PPP6R2: variants seen among roughly 807,000 people sequenced by gnomAD.
PPP6R2 encodes protein phosphatase 6 regulatory subunit 2, also known as serine/threonine-protein phosphatase 6 regulatory subunit 2.
PPP6R2 carries 62 observed loss-of-function variants against 100.2 expected under a neutral mutation model. The ratio of observed to expected loss-of-function variants is 0.62; its 90% CI spans 0.50 to 0.76. The LOEUF (loss-of-function observed/expected upper bound fraction) is 0.76, where lower values mean the gene tolerates loss of function less well. PPP6R2 is among the 30% of genes least tolerant of loss of function. The pLI, the probability that PPP6R2 is intolerant of heterozygous loss-of-function variation, is 0.00. For synonymous variants in PPP6R2, 525 were observed against 514.7 expected (o/e 1.02, Z -0.27); for missense variants, 1,142 against 1,276.3 (o/e 0.89, Z 1.60).
At chr22:50,331,254 G>C in the PPP6R2 span, among the ~76,000 whole-genome samples, 4 of 152,164 alleles carry the variant, frequency 2.6e-5, no homozygotes, top group East Asian at 7.7e-4. Context: ...TATGACTCAT[G>C]CTGCTGTGAC....
At chr22:50,437,431 A>G in intron 15 of PPP6R2, 75 bp from the exon 16 acceptor site, 4 of 1,059,430 alleles carry the variant, frequency 3.8e-6, no homozygotes, top group Non-Finnish European at 5.7e-6. Context: ...GTGGTTCCCA[A>G]AGAGCAGCCT....
chr22:50,380,510 G>A (rs1027448357), intron 2 of PPP6R2, among the ~76,000 whole-genome samples: 7 of 151,112 alleles, frequency 4.6e-5, no homozygotes, highest in Non-Finnish European at 1.0e-4. Context: ...ACAGGTGCCC[G>A]CCACCACACG....
At chr22:50,443,635 GT>G in intron 22 of PPP6R2, 1 of 599,566 alleles carries the variant, frequency 1.7e-6, no homozygotes, top group Non-Finnish European at 2.9e-6. Context: ...CCTGGAGGAG[GT>G]TTGAGGTCAT....
At position 50,438,736 on chromosome 22, in the gene PPP6R2, C is replaced by T. The variant is rs373612959; in HGVS notation, c.2102C>T (p.Ala701Val). 6.2e-6 allele frequency: 10 copies of T among 1,605,830 alleles called. No individual in the cohort carries two copies. The highest frequency in any genetic ancestry group is 1.7e-5 in the Admixed American group (1 of 58,570). The change falls in exon 19 of 24, where the codon GCG (alanine) becomes GTG (valine). Residue 701 changes from alanine (A) to valine (V), a missense_variant. Coordinates refer to ENST00000612753, the MANE Select transcript of PPP6R2 (RefSeq NM_001242898.2). ...GAPPAPGKKE[A>V]PPVEGDSEGA... ...CCACCGGCCCCCGGGAAGAAGGAAG[C>T]GCCCCCTGTGGAGGGTGACTCAGAA...
chr22:50,364,380 C>G lies in PPP6R2; in HGVS notation c.-147-7640C>G, dbSNP rs376613384. Among the ~76,000 whole-genome samples, 92 of 152,286 alleles carry G rather than the reference C, an allele frequency of 6.0e-4. 1 individual carries two copies. Among genetic ancestry groups the G allele is most frequent in the African/African-American group, 2.2e-3 (90 of 41,548 alleles). ...ACGGATACTGCAAGTTAGTGATTGT[C>G]TCTCAAGAAGGGGATTGCTTGAGTT... is the stretch of plus-strand genomic sequence containing the variant. On this transcript the variant is annotated intron_variant, in intron 1 of 23. Coordinates refer to ENST00000612753, the MANE Select transcript of PPP6R2 (RefSeq NM_001242898.2).
intron 7 of PPP6R2, 70 bp from the exon 8 acceptor site, chr22:50,419,279 A>G (rs1382783250): frequency 6.5e-6 from 9 of 1,381,750 alleles, no homozygotes; most frequent in Non-Finnish European, 7.1e-6. Context: ...ACGGGGAGGA[A>G]GGAGCATCCT....
Position 50,435,096 on chromosome 22 carries a change from C to G in PPP6R2, c.1516+15C>G, listed in dbSNP as rs1228006374. Reference sequence around the variant, plus strand: ...GGTCATCCGAGGTGAGCCCCCAACCCGGTCATCCTTCTGCTGGTCGCGGGC... The same window carrying G: ...GGTCATCCGAGGTGAGCCCCCAACCGGGTCATCCTTCTGCTGGTCGCGGGC... On this transcript the variant is annotated intron_variant, in intron 13 of 23. Transcript: ENST00000612753. 1.3e-6 allele frequency: 2 copies of G among 1,515,192 alleles called. No homozygotes were observed. Among genetic ancestry groups the G allele is most frequent in the Non-Finnish European group, 8.8e-7 (1 of 1,129,956 alleles). The allele number at this position is 1,515,192 out of a possible 1,614,324, so 93.9% of individuals were successfully genotyped here.
intron 12 of PPP6R2, among the ~76,000 whole-genome samples, chr22:50,433,477 G>A (rs1172215595): frequency 1.2e-5 from 1 of 83,652 alleles, no homozygotes; most frequent in Non-Finnish European, 2.4e-5. Flanking sequence ...AGGAGGGCTG[G>A]GGGTGCGGAC....
chr22:50,388,932 GATTCTA>G (rs1231470557), intron 2 of PPP6R2: 1 of 151,914 alleles, frequency 6.6e-6, no homozygotes, highest in Admixed American at 6.6e-5. Flanking sequence ...GGGCATTTCA[GATTCTA>G]ATTTTCTCTT....
Position 50,436,975 on chromosome 22 carries a change from G to T in PPP6R2, c.1603-13G>T. On this transcript the variant is annotated splice_polypyrimidine_tract_variant and intron_variant, in intron 14 of 23. Coordinates refer to ENST00000612753, the MANE Select transcript of PPP6R2 (RefSeq NM_001242898.2). ...CTGGCTCACACGCCCACCCCATCTGGCCTGTGTTTTAGGTGAGCACTCACC... is the reference window on the plus strand; with the variant it reads ...CTGGCTCACACGCCCACCCCATCTGTCCTGTGTTTTAGGTGAGCACTCACC... The T allele has an allele frequency of 6.4e-7, 1 of 1,552,870 alleles. No individual in the cohort carries two copies. Among genetic ancestry groups the T allele is most frequent in the Non-Finnish European group, 8.7e-7 (1 of 1,148,008 alleles).
At chr22:50,355,005 G>A (rs2046154970) in intron 1 of PPP6R2, among the ~76,000 whole-genome samples, 11 of 151,364 alleles carry the variant, frequency 7.3e-5, no homozygotes, top group Admixed American at 1.3e-4. Context: ...CACCATGCCT[G>A]GCTAATTTTT....
chr22:50,376,675 C>G (rs73188943), intron 2 of PPP6R2, among the ~76,000 whole-genome samples: 1 of 151,768 alleles, frequency 6.6e-6, no homozygotes, highest in Non-Finnish European at 1.5e-5. Flanking sequence ...CTGCCCACCT[C>G]GGCCTCCTAA....
intron 3 of PPP6R2, among the ~76,000 whole-genome samples, chr22:50,404,295 A>G (rs1453151812): frequency 1.3e-5 from 2 of 151,896 alleles, no homozygotes; most frequent in Admixed American, 6.6e-5. Context: ...GGGTTTCACC[A>G]TGTTGGCCAG....
rs772434818 is a variant in PPP6R2 at position 50,431,798 on chromosome 22, G to A, written c.1335+416G>A. Among the ~76,000 whole-genome samples the A allele has an allele frequency of 1.8e-4, 28 of 152,272 alleles. No individual in the cohort carries two copies. The highest frequency in any genetic ancestry group is 3.4e-3 in the Middle Eastern group (1 of 294). On this transcript the variant is annotated intron_variant, in intron 11 of 23. Transcript: ENST00000612753. This position sits in a 1 kb window ranked among gnomAD's most constrained non-coding sequence, Gnocchi z 4.8. Reference sequence around the variant, plus strand: ...CGGATAGCAAGGCCACAGGTATATCGTAGTGTGAGGTGGAGCCCAGGAAAA... The same window carrying A: ...CGGATAGCAAGGCCACAGGTATATCATAGTGTGAGGTGGAGCCCAGGAAAA...
chr22:50,371,146 T>A (rs2050121823), intron 1 of PPP6R2, among the ~76,000 whole-genome samples: 1 of 152,208 alleles, frequency 6.6e-6, no homozygotes, highest in African/African-American at 2.4e-5. Context: ...CTACAAATTA[T>A]TAAATACATT....
In PPP6R2 at chr22:50,443,424, G is replaced by A. The variant is rs192630388; in HGVS notation, c.2580-442G>A. ...GCCAGGGGGCCCGTCTGCTGCTCGT[G>A]GCCAGGCTGGGCCTTGGGGTGCCCG... On this transcript the variant is annotated intron_variant, in intron 22 of 23. Transcript: ENST00000612753. 2.3e-3 allele frequency: 367 copies of A among 161,072 alleles called. 2 individuals carry two copies. The highest frequency in any genetic ancestry group is 7.5e-3 in the African/African-American group (315 of 41,850). 10.0% of individuals were successfully genotyped at this position (161,072 alleles called of 1,614,324 possible).
At chr22:50,430,622 C>G (rs1466625070) in intron 10 of PPP6R2, among the ~76,000 whole-genome samples, 3 of 152,148 alleles carry the variant, frequency 2.0e-5, no homozygotes, top group African/African-American at 4.8e-5. Flanking sequence ...GCCTGTCATC[C>G]CAGCACTTTG....
At chr22:50,420,787 C>A (rs1007975900) in intron 8 of PPP6R2, among the ~76,000 whole-genome samples, 1 of 152,212 alleles carries the variant, frequency 6.6e-6, no homozygotes, top group African/African-American at 2.4e-5. Flanking sequence ...GTCCTCTGGG[C>A]ACTTCCCCTC....
chr22:50,422,480 T>C (rs938231837), intron 9 of PPP6R2, 100 bp downstream of exon 9: 15 of 1,490,654 alleles, frequency 1.0e-5, no homozygotes, highest in Admixed American at 2.0e-5. Context: ...GGTAGCAGAG[T>C]GTGGAGTGAA....
Sources: gnomAD v4.1 joint callset for allele counts (sites outside exome capture counted in the v4.1 genomes callset) on GRCh38, gnomAD v4.1.1 for gene constraint, Gnocchi (gnomAD v3.1) non-coding constraint, MANE v1.5 for transcripts, NCBI Gene and HGNC (gene_info 2026-07-23, HGNC 2026-07-21) for gene names.